The following MLLT3 variants were observed in gnomAD, a reference collection of about 807,000 sequenced individuals.
MLLT3 encodes MLLT3 super elongation complex subunit, also known as protein AF-9.
MLLT3 carries 4 observed loss-of-function variants against 53.2 expected under a neutral mutation model. The observed-to-expected ratio is 0.08, with a 90% CI of 0.04 to 0.17. The LOEUF (loss-of-function observed/expected upper bound fraction) is 0.17. Ranked by LOEUF, MLLT3 falls within the 10% of genes least tolerant of loss-of-function variation. The pLI, the probability that MLLT3 is intolerant of heterozygous loss-of-function variation, is 1.00. For missense variants in MLLT3, 569 were observed against 684.0 expected, an observed-to-expected ratio of 0.83 and a Z score of 1.87; for synonymous variants, 283 against 230.6, an observed-to-expected ratio of 1.23 and a Z score of -2.06.
chr9:20,553,511 A>T (rs902315671), intron 2 of MLLT3, among the ~76,000 whole-genome samples: 10 of 152,224 alleles, frequency 6.6e-5, no homozygotes, highest in Non-Finnish European at 1.0e-4. Flanking sequence ...TGTAACACTC[A>T]TTCAACAAAC....
At chr9:20,476,037 G>A (rs143052987) in intron 2 of MLLT3, among the ~76,000 whole-genome samples, 153 of 151,952 alleles carry the variant, frequency 1.0e-3, no homozygotes, top group African/African-American at 3.2e-3. Context: ...GAAAATTATT[G>A]TCTCAACATT....
At position 20,460,693 on chromosome 9, in the gene MLLT3, T is replaced by C. The variant is rs376945609; in HGVS notation, c.194-3907A>G. Among the ~76,000 whole-genome samples the C allele has an allele frequency of 1.8e-4, 28 of 152,334 alleles. No homozygotes were observed. In the East Asian group the frequency reaches 4.4e-3, roughly 24 times the overall value. On this transcript the variant is annotated intron_variant, in intron 2 of 10. Transcript: ENST00000380338. ...AAATAATATGTACCCAACAAATGTT[T>C]GTCAAATTTAACTTTTAAAAGACTC...
chr9:20,406,716 C>G (rs2118758495), intron 5 of MLLT3, among the ~76,000 whole-genome samples: 1 of 152,300 alleles, frequency 6.6e-6, no homozygotes, highest in African/African-American at 2.4e-5. Flanking sequence ...ATTACCTTTT[C>G]TGTGTCACAG....
intron 2 of MLLT3, among the ~76,000 whole-genome samples, chr9:20,469,072 T>C (rs1345508267): frequency 6.6e-6 from 1 of 152,192 alleles, no homozygotes; most frequent in Non-Finnish European, 1.5e-5. Flanking sequence ...ATACTAAATA[T>C]TGCCCCCGTG....
chr9:20,461,899 C>G (rs753453651), intron 2 of MLLT3, among the ~76,000 whole-genome samples: 7 of 152,190 alleles, frequency 4.6e-5, no homozygotes, highest in African/African-American at 7.2e-5. Context: ...ATCAAACTCT[C>G]TCTATATATA....
At chr9:20,443,636 G>A (rs577196291) in intron 4 of MLLT3, among the ~76,000 whole-genome samples, 1 of 152,316 alleles carries the variant, frequency 6.6e-6, no homozygotes, top group East Asian at 1.9e-4. Flanking sequence ...ATGTTTTCCT[G>A]TGAATAAATA....
chr9:20,537,961 T>G (rs1320696695), intron 2 of MLLT3, among the ~76,000 whole-genome samples: 1 of 152,180 alleles, frequency 6.6e-6, no homozygotes, highest in African/African-American at 2.4e-5. Context: ...ATGGCAGACT[T>G]ATAATATTCC....
At chr9:20,411,876 G>A (rs561360699) in intron 5 of MLLT3, 20 of 152,228 alleles carry the variant, frequency 1.3e-4, no homozygotes, top group African/African-American at 4.1e-4. Flanking sequence ...CTTTATGAAC[G>A]CCATTTGGTC....
At chr9:20,601,123 A>G (rs1412465247) in intron 2 of MLLT3, among the ~76,000 whole-genome samples, 1 of 134,984 alleles carries the variant, frequency 7.4e-6, no homozygotes, top group Non-Finnish European at 1.6e-5. Context: ...ACAACGTCAA[A>G]ACGTCAGAAT....
At chr9:20,562,070 A>G (rs563138632) in intron 2 of MLLT3, among the ~76,000 whole-genome samples, 44 of 152,238 alleles carry the variant, frequency 2.9e-4, no homozygotes, top group Non-Finnish European at 5.4e-4. Context: ...ATTTTATGTC[A>G]TATTTTCATG....
chr9:20,485,872 A>T (rs1486735884), intron 2 of MLLT3, among the ~76,000 whole-genome samples: 1 of 152,232 alleles, frequency 6.6e-6, no homozygotes, highest in Admixed American at 6.5e-5. Flanking sequence ...TTACACTTTG[A>T]AAATAATAAA....
At chr9:20,613,492 A>G (rs2131210783) in intron 2 of MLLT3, among the ~76,000 whole-genome samples, 1 of 152,326 alleles carries the variant, frequency 6.6e-6, no homozygotes, top group Admixed American at 6.5e-5. Context: ...CCAGAATCCA[A>G]ACAAGGAATC....
chr9:20,401,956 G>C (rs922360096), intron 5 of MLLT3, among the ~76,000 whole-genome samples: 7 of 152,174 alleles, frequency 4.6e-5, no homozygotes, highest in African/African-American at 1.7e-4. Context: ...CCAGTTGGTA[G>C]CTTTTGAGAA....
intron 2 of MLLT3, among the ~76,000 whole-genome samples, chr9:20,594,400 A>G (rs1218591768): frequency 6.6e-6 from 1 of 152,122 alleles, no homozygotes; most frequent in Non-Finnish European, 1.5e-5. Context: ...TATCACCTCT[A>G]TTCAGCCTGA....
intron 2 of MLLT3, among the ~76,000 whole-genome samples, chr9:20,573,311 C>G (rs1309783582): frequency 6.6e-6 from 1 of 151,934 alleles, no homozygotes; most frequent in Non-Finnish European, 1.5e-5. Context: ...CCACAAATAG[C>G]TGGAACTATA....
chr9:20,558,339 G>C (rs1414599972), intron 2 of MLLT3, among the ~76,000 whole-genome samples: 1 of 151,992 alleles, frequency 6.6e-6, no homozygotes, highest in Non-Finnish European at 1.5e-5. Context: ...CACCATGTTG[G>C]CCAGGCTGAT....
intron 2 of MLLT3, among the ~76,000 whole-genome samples, chr9:20,517,508 C>T (rs1013336128): frequency 7.3e-5 from 11 of 150,264 alleles, no homozygotes; most frequent in African/African-American, 2.7e-4. Flanking sequence ...AGTGAAAATA[C>T]AAGGTGTGCC....
At position 20,354,884 on chromosome 9, in the gene MLLT3, G is replaced by A. The variant is rs1821124934; in HGVS notation, c.1432-5C>T. The stretch of plus-strand genomic sequence containing the variant: ...TGGACTTTTCACTTCAAGAATCTAG[G>A]GATCAAAGAGAACGCTGTGTTAAAT... On this transcript the variant is annotated splice_region_variant and splice_polypyrimidine_tract_variant and intron_variant, in intron 8 of 10. Coordinates refer to ENST00000380338, the MANE Select transcript of MLLT3 (RefSeq NM_004529.4). The A allele has an allele frequency of 2.5e-6, 4 of 1,606,784 alleles. No individual in the cohort carries two copies. The highest frequency in any genetic ancestry group is 3.3e-5 in the Admixed American group (2 of 59,970).
intron 2 of MLLT3, among the ~76,000 whole-genome samples, chr9:20,478,382 T>A (rs1563777729): frequency 6.6e-6 from 1 of 152,170 alleles, no homozygotes; most frequent in Non-Finnish European, 1.5e-5. Context: ...CCTCAGTGAC[T>A]AAAACAATAC....
Sources: allele counts gnomAD v4.1 joint callset (sites outside exome capture counted in the v4.1 genomes callset), GRCh38; gene constraint gnomAD v4.1.1; transcripts MANE v1.5; gene names NCBI Gene and HGNC (gene_info 2026-07-23, HGNC 2026-07-21).